Variants in C1GALT1 observed in about 807,000 individuals in gnomAD.
C1GALT1 encodes the protein glycoprotein-N-acetylgalactosamine 3-beta-galactosyltransferase 1.
Under a neutral mutation model 31.0 loss-of-function variants are expected in C1GALT1, and 11 were observed. The ratio of observed to expected loss-of-function variants is 0.36; its 90% CI spans 0.22 to 0.59. C1GALT1 has a LOEUF of 0.59. C1GALT1 is among the 20% of genes least tolerant of loss of function. The probability of loss-of-function intolerance (pLI) is 0.79; values close to 1 mark genes in which losing one functional copy is unlikely to be tolerated. For missense variants in C1GALT1, 424 were observed against 425.2 expected (o/e 1.00, Z 0.03); for synonymous variants, 175 against 143.6 (o/e 1.22, Z -1.56).
chr7:7,174,280 C>T (rs1251416788), intron 2 of C1GALT1, among the ~76,000 whole-genome samples: 5 of 152,198 alleles, frequency 3.3e-5, no homozygotes, highest in Admixed American at 2.0e-4. Context: ...AAAAGCGCAT[C>T]TTGGTTACTT....
At chr7:7,183,570 A>C in intron 1 of C1GALT1, 1 of 985,188 alleles carries the variant, frequency 1.0e-6, no homozygotes, top group Non-Finnish European at 1.2e-6. Flanking sequence ...GGTGTTGACA[A>C]GTTGTCCATT....
At chr7:7,212,415 A>G (rs1290152736) in intron 1 of C1GALT1, among the ~76,000 whole-genome samples, 3 of 152,216 alleles carry the variant, frequency 2.0e-5, no homozygotes, top group African/African-American at 4.8e-5. Context: ...TCCTGTTGAG[A>G]AAGAAAAATG....
chr7:7,158,452 G>T (rs1454468581), intron 2 of C1GALT1, among the ~76,000 whole-genome samples: 1 of 152,096 alleles, frequency 6.6e-6, no homozygotes, highest in Non-Finnish European at 1.5e-5. Flanking sequence ...CGTGGCCCGA[G>T]TCAGCTGTTT....
chr7:7,184,355 T>A (rs932081986), intron 1 of C1GALT1, among the ~76,000 whole-genome samples: 3 of 152,224 alleles, frequency 2.0e-5, no homozygotes, highest in African/African-American at 7.2e-5. Context: ...TGTGTATTTT[T>A]TTGTATCTTC....
intron 1 of C1GALT1, among the ~76,000 whole-genome samples, chr7:7,234,073 A>G (rs1339523172): frequency 6.6e-6 from 1 of 152,174 alleles, no homozygotes; most frequent in African/African-American, 2.4e-5. Context: ...CAATACTGAC[A>G]TACTCATCCA....
intron 1 of C1GALT1, among the ~76,000 whole-genome samples, chr7:7,225,291 T>A (rs1021998510): frequency 2.0e-5 from 3 of 152,232 alleles, no homozygotes; most frequent in African/African-American, 7.2e-5. Context: ...GTTTCCAAAC[T>A]GTTTCTTTGC....
At chr7:7,235,497 C>G (rs1221441245) in intron 2 of C1GALT1, among the ~76,000 whole-genome samples, 1 of 152,184 alleles carries the variant, frequency 6.6e-6, no homozygotes, top group African/African-American at 2.4e-5. Flanking sequence ...GCTCTGTGTT[C>G]CTACAGAACA....
intron 3 of C1GALT1, among the ~76,000 whole-genome samples, chr7:7,243,279 T>G (rs1783708865): frequency 6.6e-6 from 1 of 152,136 alleles, no homozygotes; most frequent in Admixed American, 6.5e-5. Context: ...GAATATTGTT[T>G]CATTTAAAAA....
chr7:7,213,128 G>A (rs554690858), intron 1 of C1GALT1, among the ~76,000 whole-genome samples: 1 of 152,264 alleles, frequency 6.6e-6, no homozygotes, highest in East Asian at 1.9e-4. Context: ...GAGCATGTCA[G>A]TTCTTTAGGA....
At chr7:7,181,859 G>A (rs1023276259), upstream of C1GALT1, among the ~76,000 whole-genome samples, 2 of 152,172 alleles carry the variant, frequency 1.3e-5, no homozygotes, top group African/African-American at 2.4e-5. Flanking sequence ...TGCCTCAACA[G>A]GTGGCAGCCT....
Position 7,187,519 on chromosome 7 carries a change from A to G in C1GALT1, c.-18+4699A>G, listed in dbSNP as rs1780873451. Among the ~76,000 whole-genome samples the G allele has an allele frequency of 2.6e-5, 4 of 152,146 alleles. No homozygotes were observed. In the South Asian group the frequency reaches 8.3e-4, roughly 32 times the overall value. ...AGTGGAGAGGTTGTTACCTGGAAACATTTAGCAATGTCTACAGACATTTTT... is the reference window on the plus strand; with the variant it reads ...AGTGGAGAGGTTGTTACCTGGAAACGTTTAGCAATGTCTACAGACATTTTT... On this transcript the variant is annotated intron_variant, in intron 1 of 3. Coordinates refer to ENST00000436587, the MANE Select transcript of C1GALT1 (RefSeq NM_020156.5).
At chr7:7,159,087 C>T (rs2128226158) in intron 2 of C1GALT1, among the ~76,000 whole-genome samples, 1 of 151,938 alleles carries the variant, frequency 6.6e-6, no homozygotes, top group East Asian at 1.9e-4. Flanking sequence ...ATTGCTATCA[C>T]CAGATTTTTA....
chr7:7,198,855 G>A (rs1467438405), intron 1 of C1GALT1, among the ~76,000 whole-genome samples: 1 of 152,148 alleles, frequency 6.6e-6, no homozygotes, highest in Non-Finnish European at 1.5e-5. Flanking sequence ...ATGGTAGTTT[G>A]TATTTCTGTG....
chr7:7,169,579 G>A (rs1421846313), intron 2 of C1GALT1, among the ~76,000 whole-genome samples: 1 of 151,890 alleles, frequency 6.6e-6, no homozygotes, highest in Non-Finnish European at 1.5e-5. Flanking sequence ...ATCCTAGTAA[G>A]TGTGAAATGG....
At chr7:7,211,842 A>G (rs1782020175) in intron 1 of C1GALT1, among the ~76,000 whole-genome samples, 1 of 152,180 alleles carries the variant, frequency 6.6e-6, no homozygotes, top group Non-Finnish European at 1.5e-5. Context: ...GAAGATTACC[A>G]CTTGAGTCAC....
chr7:7,206,972 GCTT>G (rs1419717974), intron 1 of C1GALT1, among the ~76,000 whole-genome samples: 2 of 151,972 alleles, frequency 1.3e-5, no homozygotes, highest in Admixed American at 6.6e-5. Context: ...GTCTTTTTCA[GCTT>G]CTTAGATGTT....
chr7:7,158,950 C>T (rs1025079020), intron 2 of C1GALT1, among the ~76,000 whole-genome samples: 6 of 152,102 alleles, frequency 3.9e-5, no homozygotes, highest in Admixed American at 2.0e-4. Context: ...ATTGAGACAA[C>T]GAGCAGGGTT....
chr7:7,169,997 T>C (rs1402703911), intron 2 of C1GALT1, among the ~76,000 whole-genome samples: 1 of 152,254 alleles, frequency 6.6e-6, no homozygotes, highest in South Asian at 2.1e-4. Context: ...CTTTTCTTTG[T>C]TGGGAGGTTT....
chr7:7,178,400 G>A (rs1780528522), upstream of C1GALT1: 1 of 211,494 alleles, frequency 4.7e-6, no homozygotes, highest in Non-Finnish European at 1.0e-5. Flanking sequence ...TGTATTATGA[G>A]TCAATCTGTA....
Sources: gnomAD v4.1 joint callset for allele counts (sites outside exome capture counted in the v4.1 genomes callset) on GRCh38, gnomAD v4.1.1 for gene constraint, MANE v1.5 for transcripts, NCBI Gene and HGNC (gene_info 2026-07-23, HGNC 2026-07-21) for gene names.